The following RBFOX1 variants were observed in gnomAD, a reference collection of about 807,000 sequenced individuals.
RBFOX1 encodes the protein RNA binding protein fox-1 homolog 1.
RBFOX1 carries 8 observed loss-of-function variants against 57.7 expected under a neutral mutation model. The ratio of observed to expected loss-of-function variants is 0.14; its 90% confidence interval spans 0.08 to 0.25. The LOEUF (loss-of-function observed/expected upper bound fraction) is 0.25. Among genes scored for constraint, RBFOX1 ranks in the 10% least tolerant of loss-of-function variants. The probability of loss-of-function intolerance (pLI) is 1.00; values close to 1 mark genes in which losing one functional copy is unlikely to be tolerated. For synonymous variants in RBFOX1, 326 were observed against 222.4 expected (o/e 1.47, Z -4.15); for missense variants, 611 against 548.5 (o/e 1.11, Z -1.14).
intron 4 of RBFOX1, among the ~76,000 whole-genome samples, chr16:7,315,536 G>A (rs1326815253): frequency 6.7e-6 from 1 of 149,728 alleles, no homozygotes; most frequent in South Asian, 2.1e-4. Flanking sequence ...TAACATTTAT[G>A]CTTATAAATT....
rs546319744 is a variant in RBFOX1, at chr16:5,946,154, A to G, written c.351+78819A>G. 2.6e-5 allele frequency among the ~76,000 whole-genome samples: 4 copies of G among 152,316 alleles called. No individual in the cohort carries two copies. The highest frequency in any genetic ancestry group is 2.1e-4 in the South Asian group (1 of 4,830). On this transcript the variant is annotated intron_variant, in intron 4 of 19. Coordinates refer to the RBFOX1 transcript ENST00000641259. This position sits in a 1 kb window ranked among gnomAD's most constrained non-coding sequence, Gnocchi z 4.6. The stretch of plus-strand genomic sequence containing the variant: ...AATAGACCACCACTCCTGTCCTAAC[A>G]TGGCAGGATGTGATGGAAAGTGCAC...
At chr16:5,685,081 A>C (rs1446650397) in intron 3 of RBFOX1, among the ~76,000 whole-genome samples, 1 of 152,208 alleles carries the variant, frequency 6.6e-6, no homozygotes, top group Non-Finnish European at 1.5e-5. Context: ...AATTGGTCTC[A>C]TAAGCAGACA....
intron 2 of RBFOX1, among the ~76,000 whole-genome samples, chr16:6,552,898 G>A (rs1599638592): frequency 1.3e-5 from 2 of 151,980 alleles, no homozygotes; most frequent in Admixed American, 6.6e-5. Context: ...ATAACAAAAT[G>A]TATGTTATTA....
chr16:5,943,009 C>T (rs1235789213), intron 4 of RBFOX1, among the ~76,000 whole-genome samples: 1 of 152,216 alleles, frequency 6.6e-6, no homozygotes, highest in African/African-American at 2.4e-5. Flanking sequence ...GGGGTCTGCA[C>T]TGACCACAAG....
intron 1 of RBFOX1, among the ~76,000 whole-genome samples, chr16:5,256,873 G>A (rs1040261138): frequency 1.6e-4 from 25 of 152,032 alleles, no homozygotes; most frequent in Admixed American, 1.5e-3. Context: ...GGCAGAGTTT[G>A]CAGTGAGCTG....
chr16:7,428,885 C>T (rs1598225663), intron 4 of RBFOX1, among the ~76,000 whole-genome samples: 1 of 152,186 alleles, frequency 6.6e-6, no homozygotes, highest in East Asian at 1.9e-4. Context: ...GCAGCAGCAA[C>T]AGTAGTAGTG....
intron 5 of RBFOX1, among the ~76,000 whole-genome samples, chr16:7,525,646 C>T (rs1165182634): frequency 6.6e-6 from 1 of 152,174 alleles, no homozygotes; most frequent in Non-Finnish European, 1.5e-5. Flanking sequence ...CTTTCCCCCT[C>T]TCTGACAAAA....
chr16:6,823,762 C>G (rs558588179), intron 3 of RBFOX1, among the ~76,000 whole-genome samples: 1 of 152,080 alleles, frequency 6.6e-6, no homozygotes, highest in African/African-American at 2.4e-5. Flanking sequence ...ATATCAGCCA[C>G]TGTTCTAGTT....
At chr16:7,518,435 C>T (rs1283245917) in intron 5 of RBFOX1, 46 bp downstream of exon 5, 2 of 1,561,740 alleles carry the variant, frequency 1.3e-6, no homozygotes, top group South Asian at 1.2e-5. Context: ...GGGGAGGCGC[C>T]CCCAGCCCTG....
intron 3 of RBFOX1, among the ~76,000 whole-genome samples, chr16:5,866,571 C>T (rs1202127574): frequency 6.6e-6 from 1 of 152,168 alleles, no homozygotes; most frequent in African/African-American, 2.4e-5. Flanking sequence ...CATAGATGAA[C>T]AATGTTGGGA....
At chr16:7,588,519 G>C (rs936652092) in intron 7 of RBFOX1, among the ~76,000 whole-genome samples, 1 of 152,164 alleles carries the variant, frequency 6.6e-6, no homozygotes, top group African/African-American at 2.4e-5. Flanking sequence ...TAGCTCTGAC[G>C]GGTCTCCTGG....
At chr16:7,362,390 T>C (rs1424007477) in intron 4 of RBFOX1, among the ~76,000 whole-genome samples, 2 of 151,958 alleles carry the variant, frequency 1.3e-5, no homozygotes, top group African/African-American at 4.8e-5. Context: ...TGTTAATGTG[T>C]GTGTGATTGT....
intron 3 of RBFOX1, among the ~76,000 whole-genome samples, chr16:5,639,579 A>G (rs1178767393): frequency 2.6e-5 from 4 of 152,172 alleles, no homozygotes; most frequent in African/African-American, 7.2e-5. Flanking sequence ...CACACTCTCC[A>G]TCACTCTCTA....
chr16:7,230,994 T>C (rs113826920), intron 4 of RBFOX1, among the ~76,000 whole-genome samples: 6 of 152,120 alleles, frequency 3.9e-5, no homozygotes, highest in South Asian at 2.1e-4. Context: ...AGAATTCACA[T>C]TGATCAGCCA....
intron 3 of RBFOX1, among the ~76,000 whole-genome samples, chr16:6,708,145 C>T (rs80184650): frequency 0.01 from 1,572 of 152,176 alleles, 31 homozygotes; most frequent in African/African-American, 0.036. Context: ...GCTTGGGGAG[C>T]GGGGGATGTT....
At chr16:6,680,532 G>A (rs145299472) in intron 3 of RBFOX1, among the ~76,000 whole-genome samples, 2,450 of 152,040 alleles carry the variant, frequency 0.016, 34 homozygotes, top group Non-Finnish European at 0.022. Context: ...CAAAGTGCTG[G>A]GATTACAGGC....
upstream of RBFOX1, among the ~76,000 whole-genome samples, chr16:6,015,604 A>G (rs1300304531): frequency 6.6e-6 from 1 of 152,168 alleles, no homozygotes; most frequent in East Asian, 1.9e-4. Context: ...ACAGGACTCT[A>G]TTTATATTGA....
intron 3 of RBFOX1, among the ~76,000 whole-genome samples, chr16:6,667,955 C>T (rs146695771): frequency 0.016 from 2,393 of 152,164 alleles, 36 homozygotes; most frequent in Non-Finnish European, 0.023. Flanking sequence ...CTGCTTTCGT[C>T]CTACTCTTTT....
intron 3 of RBFOX1, among the ~76,000 whole-genome samples, chr16:6,863,800 G>A (rs1466311448): frequency 7.6e-6 from 1 of 131,288 alleles, no homozygotes. Flanking sequence ...TTGTGATACA[G>A]TCTCAGGAGG....
Sources: allele counts gnomAD v4.1 joint callset (sites outside exome capture counted in the v4.1 genomes callset), GRCh38; gene constraint gnomAD v4.1.1; non-coding constraint Gnocchi (gnomAD v3.1); transcripts MANE v1.5; gene names NCBI Gene and HGNC (gene_info 2026-07-23, HGNC 2026-07-21).